Variants in EYS observed in about 807,000 individuals in gnomAD.
EYS encodes protein eyes shut homolog.
EYS carries 250 observed loss-of-function variants against 282.1 expected under a neutral mutation model. That is an observed-to-expected ratio of 0.89 (90% CI 0.80 to 0.98). EYS has a LOEUF of 0.98. Among genes scored for constraint, EYS ranks in the 50% least tolerant of loss-of-function variants. The pLI, the probability that EYS is intolerant of heterozygous loss-of-function variation, is 0.00. For missense variants in EYS, 4,016 were observed against 3,709.0 expected (o/e 1.08, Z -2.15); for synonymous variants, 1,355 against 1,282.9 (o/e 1.06, Z -1.20).
At chr6:64,497,932 G>A (rs1776938545) in intron 26 of EYS, among the ~76,000 whole-genome samples, 1 of 152,114 alleles carries the variant, frequency 6.6e-6, no homozygotes, top group Non-Finnish European at 1.5e-5. Context: ...TGGGAAGTGA[G>A]CTTATTAAGA....
At chr6:64,864,037 C>T (rs994034712) in intron 19 of EYS, among the ~76,000 whole-genome samples, 1 of 152,074 alleles carries the variant, frequency 6.6e-6, no homozygotes, top group African/African-American at 2.4e-5. Flanking sequence ...TCATGTGTTT[C>T]TCTTGTGTCA....
intron 29 of EYS, among the ~76,000 whole-genome samples, chr6:64,325,256 G>T (rs1424967281): frequency 6.6e-6 from 1 of 152,164 alleles, no homozygotes; most frequent in South Asian, 2.1e-4. Context: ...AGGACTCTGT[G>T]CAGACAACCC....
At position 65,361,827 on chromosome 6, in the gene EYS, C is replaced by T. The variant is rs563362546; in HGVS notation, c.1300-8210G>A. ...CAGTGATTCATTATCTAATGTTTCC[C>T]TCCAAAAATAACACAGATAACACAA... On this transcript the variant is annotated intron_variant, in intron 8 of 42. Transcript: ENST00000503581. Among the ~76,000 whole-genome samples the T allele has an allele frequency of 1.8e-3, 267 of 152,176 alleles. 3 individuals are homozygous for T. Among genetic ancestry groups the T allele is most frequent in the African/African-American group, 6.4e-3 (265 of 41,522 alleles).
chr6:64,010,398 G>T (rs11759618), intron 33 of EYS, among the ~76,000 whole-genome samples: 13 of 148,636 alleles, frequency 8.7e-5, no homozygotes, highest in East Asian at 4.1e-4. Context: ...TTGGTTGGGG[G>T]GGGGGGTGGT....
At chr6:65,119,476 T>A (rs1337217639) in intron 12 of EYS, among the ~76,000 whole-genome samples, 3 of 151,782 alleles carry the variant, frequency 2.0e-5, no homozygotes, top group Non-Finnish European at 4.4e-5. Flanking sequence ...TAAACTTGAG[T>A]CATTATCAGA....
intron 35 of EYS, among the ~76,000 whole-genome samples, chr6:63,891,632 T>G (rs1773411343): frequency 6.6e-6 from 1 of 152,212 alleles, no homozygotes; most frequent in African/African-American, 2.4e-5. Flanking sequence ...CCAATCATAC[T>G]GAATGGGCAA....
At chr6:65,063,736 T>A (rs944731106) in intron 12 of EYS, among the ~76,000 whole-genome samples, 1 of 152,138 alleles carries the variant, frequency 6.6e-6, no homozygotes, top group East Asian at 1.9e-4. Flanking sequence ...GTTATTCAAA[T>A]TTTTTTCTTC....
chr6:65,299,948 T>C (rs1438563662), intron 11 of EYS, among the ~76,000 whole-genome samples: 1 of 152,034 alleles, frequency 6.6e-6, no homozygotes, highest in Non-Finnish European at 1.5e-5. Flanking sequence ...TAAAATTAGG[T>C]TAATTTTGTA....
intron 28 of EYS, among the ~76,000 whole-genome samples, chr6:64,390,186 G>A (rs1329941989): frequency 1.3e-5 from 2 of 152,104 alleles, no homozygotes; most frequent in Admixed American, 6.5e-5. Context: ...AGGAGGCAGC[G>A]AGGCTGGGGG....
chr6:63,810,260 C>CAAA (rs368701336), intron 36 of EYS, among the ~76,000 whole-genome samples: 16 of 53,756 alleles, frequency 3.0e-4, no homozygotes, highest in African/African-American at 1.1e-3. Flanking sequence ...GATTCCATCT[C>CAAA]AAAAAAAAAA....
intron 5 of EYS, among the ~76,000 whole-genome samples, chr6:65,475,583 TAAG>T (rs1429361625): frequency 3.3e-5 from 5 of 152,154 alleles, no homozygotes; most frequent in Non-Finnish European, 5.9e-5. Context: ...CTGAAAAGTA[TAAG>T]AAGGCACCAT....
chr6:64,245,888 G>A (rs1358480012), intron 30 of EYS, among the ~76,000 whole-genome samples: 1 of 151,588 alleles, frequency 6.6e-6, no homozygotes, highest in Non-Finnish European at 1.5e-5. Context: ...GCATGGTGGC[G>A]CACGCCTGTA....
At chr6:64,957,738 G>A (rs898231947) in intron 14 of EYS, among the ~76,000 whole-genome samples, 12 of 151,682 alleles carry the variant, frequency 7.9e-5, no homozygotes, top group Non-Finnish European at 1.6e-4. Flanking sequence ...TTATGTACCC[G>A]CAAATATAAA....
In EYS at chr6:65,591,331, T is replaced by A. The variant is rs116265847; in HGVS notation, c.-333+48447A>T. The stretch of plus-strand genomic sequence containing the variant: ...CTCCCCCCTCAGCCTCCCAAGTAGC[T>A]ACTTACTATATACTTAATCTGTGTG... On this transcript the variant is annotated intron_variant, in intron 2 of 42. Coordinates refer to ENST00000503581, the MANE Select transcript of EYS (RefSeq NM_001142800.2). Among the ~76,000 whole-genome samples, 1,375 of 150,256 alleles carry A rather than the reference T, an allele frequency of 9.2e-3. 11 individuals are homozygous for A. Among genetic ancestry groups the A allele is most frequent in the Middle Eastern group, 0.051 (15 of 294 alleles).
intron 1 of EYS, among the ~76,000 whole-genome samples, chr6:65,663,517 AACTTGGACTTATCCTT>A (rs1582577600): frequency 6.6e-6 from 1 of 152,210 alleles, no homozygotes; most frequent in African/African-American, 2.4e-5. Flanking sequence ...AGAATATACC[AACTTGGACTTATCCTT>A]ACTGGAGGCA....
At chr6:63,963,257 A>G (rs1766160943) in intron 35 of EYS, among the ~76,000 whole-genome samples, 1 of 152,124 alleles carries the variant, frequency 6.6e-6, no homozygotes, top group South Asian at 2.1e-4. Context: ...CATGTACCCT[A>G]AAACTTAAAG....
At chr6:63,958,059 T>C (rs1357913382) in intron 35 of EYS, among the ~76,000 whole-genome samples, 1 of 140,672 alleles carries the variant, frequency 7.1e-6, no homozygotes, top group Non-Finnish European at 1.6e-5. Flanking sequence ...CGTTTATAGA[T>C]AGATGTTTAT....
At chr6:63,992,935 C>T (rs906668191) in intron 34 of EYS, among the ~76,000 whole-genome samples, 1 of 151,726 alleles carries the variant, frequency 6.6e-6, no homozygotes, top group African/African-American at 2.4e-5. Flanking sequence ...GGATAGTTTT[C>T]CCATGCTGTT....
Position 64,804,981 on chromosome 6 carries a change from AT to A in EYS, c.3443+8396del, listed in dbSNP as rs1235910510. Among the ~76,000 whole-genome samples the A allele has an allele frequency of 3.6e-4, 55 of 151,910 alleles. 2 individuals are homozygous for A. The highest frequency in any genetic ancestry group is 1.2e-3 in the African/African-American group (48 of 41,498). Reference sequence around the variant, plus strand: ...TCTCAATTTTCAAATTCCAACTGCAATTTTTTTTGTACATAGTAGTTTTCCA... The same window carrying A: ...TCTCAATTTTCAAATTCCAACTGCAATTTTTTTGTACATAGTAGTTTTCCA... On this transcript the variant is annotated intron_variant, in intron 22 of 42. Coordinates refer to ENST00000503581, the MANE Select transcript of EYS (RefSeq NM_001142800.2).
Sources: gnomAD v4.1 joint callset for allele counts (sites outside exome capture counted in the v4.1 genomes callset) on GRCh38, gnomAD v4.1.1 for gene constraint, MANE v1.5 for transcripts, NCBI Gene and HGNC (gene_info 2026-07-23, HGNC 2026-07-21) for gene names.